MAGI2: variants seen among roughly 807,000 people sequenced by gnomAD.
The protein encoded by MAGI2 is membrane associated guanylate kinase, WW and PDZ domain containing 2.
A neutral mutation model predicts 133.3 loss-of-function variants in MAGI2; 35 were observed. That is an observed-to-expected ratio of 0.26 (90% CI 0.20 to 0.35). The LOEUF is 0.35. Ranked by LOEUF, MAGI2 falls within the 10% of genes least tolerant of loss-of-function variation. The pLI is 1.00. For synonymous variants in MAGI2, 729 were observed against 710.6 expected, an observed-to-expected ratio of 1.03 and a Z score of -0.41; for missense variants, 1,636 against 1,863.4, an observed-to-expected ratio of 0.88 and a Z score of 2.25.
At chr7:78,394,654 T>C (rs954614982) in intron 6 of MAGI2, among the ~76,000 whole-genome samples, 1 of 152,198 alleles carries the variant, frequency 6.6e-6, no homozygotes, top group Non-Finnish European at 1.5e-5. Context: ...TTTTTATAAG[T>C]CTTGGTTCAA....
chr7:78,842,317 C>T (rs1183241048), intron 2 of MAGI2, among the ~76,000 whole-genome samples: 1 of 151,948 alleles, frequency 6.6e-6, no homozygotes, highest in East Asian at 1.9e-4. Context: ...GCCAAGTCCA[C>T]TCCTTGAAGA....
intron 6 of MAGI2, among the ~76,000 whole-genome samples, chr7:78,381,876 G>T (rs534429211): frequency 7.6e-4 from 115 of 152,292 alleles, no homozygotes; most frequent in African/African-American, 2.7e-3. Flanking sequence ...TCTAGGAGGA[G>T]AATTTGGCAG....
At chr7:78,522,187 C>T (rs1013671538) in intron 3 of MAGI2, among the ~76,000 whole-genome samples, 5 of 152,214 alleles carry the variant, frequency 3.3e-5, no homozygotes, top group South Asian at 2.1e-4. Flanking sequence ...GCTGACAGTG[C>T]GCCTGCTGCT....
At chr7:78,831,078 T>C (rs1374937895) in intron 2 of MAGI2, among the ~76,000 whole-genome samples, 1 of 151,670 alleles carries the variant, frequency 6.6e-6, no homozygotes, top group Non-Finnish European at 1.5e-5. Context: ...ATCAACATTT[T>C]TTCCCCAAAT....
intron 1 of MAGI2, among the ~76,000 whole-genome samples, chr7:79,169,758 C>T (rs1052136591): frequency 6.6e-6 from 1 of 152,016 alleles, no homozygotes; most frequent in Non-Finnish European, 1.5e-5. Flanking sequence ...AAGATTAAAA[C>T]TCATGGCCAG....
At chr7:78,154,388 G>A (rs1824181764) in intron 16 of MAGI2, among the ~76,000 whole-genome samples, 1 of 152,192 alleles carries the variant, frequency 6.6e-6, no homozygotes, top group Non-Finnish European at 1.5e-5. Context: ...GGATTGCGAG[G>A]AGCCAGCAGC....
chr7:78,674,078 G>A (rs1160368647), intron 2 of MAGI2, among the ~76,000 whole-genome samples: 1 of 152,144 alleles, frequency 6.6e-6, no homozygotes, highest in Non-Finnish European at 1.5e-5. Context: ...ATAGTGCACT[G>A]CTGATGTTGA....
At chr7:78,802,943 G>T (rs1788199508) in intron 2 of MAGI2, among the ~76,000 whole-genome samples, 1 of 146,854 alleles carries the variant, frequency 6.8e-6, no homozygotes. Flanking sequence ...AAAAAAAAGA[G>T]ACCTCTGACA....
At chr7:79,253,950 C>T (rs188828087) in intron 1 of MAGI2, among the ~76,000 whole-genome samples, 39 of 151,398 alleles carry the variant, frequency 2.6e-4, no homozygotes, top group African/African-American at 8.5e-4. Context: ...ATTTATCATT[C>T]CAGATTTTGA....
intron 2 of MAGI2, among the ~76,000 whole-genome samples, chr7:78,820,920 T>C (rs543689852): frequency 6.6e-6 from 1 of 152,014 alleles, no homozygotes; most frequent in Non-Finnish European, 1.5e-5. Flanking sequence ...AATAAATTAA[T>C]ATAATTTGAT....
intron 10 of MAGI2, among the ~76,000 whole-genome samples, chr7:78,208,081 G>C (rs1359186534): frequency 2.0e-5 from 3 of 148,974 alleles, no homozygotes; most frequent in Non-Finnish European, 4.4e-5. Flanking sequence ...TCTTGGCCAG[G>C]CTGGTCTCGA....
At chr7:78,879,107 C>T (rs1185284147) in intron 2 of MAGI2, among the ~76,000 whole-genome samples, 2 of 152,150 alleles carry the variant, frequency 1.3e-5, no homozygotes, top group Non-Finnish European at 2.9e-5. Context: ...AGAAGAACTT[C>T]CCTATCTCCA....
intron 20 of MAGI2, among the ~76,000 whole-genome samples, chr7:78,081,468 A>AC (rs1463144138): frequency 6.6e-6 from 1 of 152,200 alleles, no homozygotes. Context: ...AAGGGCACAG[A>AC]AAGAACAGAC....
intron 1 of MAGI2, among the ~76,000 whole-genome samples, chr7:79,314,956 AT>A (rs1838589597): frequency 6.6e-6 from 1 of 152,156 alleles, no homozygotes; most frequent in African/African-American, 2.4e-5. Context: ...ATCACTGGAA[AT>A]TTAAACAAAG....
At chr7:78,648,288 T>G (rs1300215705) in intron 2 of MAGI2, among the ~76,000 whole-genome samples, 2 of 152,174 alleles carry the variant, frequency 1.3e-5, no homozygotes, top group African/African-American at 4.8e-5. Context: ...CTCATCCTTG[T>G]AACAAGGAAA....
intron 1 of MAGI2, among the ~76,000 whole-genome samples, chr7:79,013,677 G>C (rs1363113098): frequency 6.6e-6 from 1 of 152,040 alleles, no homozygotes; most frequent in Non-Finnish European, 1.5e-5. Flanking sequence ...TCCCTTTTTA[G>C]GTAGAAATTG....
chr7:78,794,433 G>GA (rs1312714657), intron 2 of MAGI2, among the ~76,000 whole-genome samples: 2 of 152,124 alleles, frequency 1.3e-5, no homozygotes, highest in Admixed American at 1.3e-4. Context: ...ATTGTCAATG[G>GA]AAATTTTTGA....
intron 21 of MAGI2, among the ~76,000 whole-genome samples, chr7:78,038,738 G>C (rs575149767): frequency 2.7e-4 from 41 of 152,378 alleles, no homozygotes; most frequent in African/African-American, 9.9e-4. Flanking sequence ...AGGAAAGAAA[G>C]AAGAGCTTCA....
intron 9 of MAGI2, among the ~76,000 whole-genome samples, chr7:78,271,169 T>C (rs1171165637): frequency 6.6e-6 from 1 of 152,186 alleles, no homozygotes; most frequent in Non-Finnish European, 1.5e-5. Flanking sequence ...TGAGAGTTTT[T>C]AGCATGAAGG....
Sources: allele counts gnomAD v4.1 joint callset (sites outside exome capture counted in the v4.1 genomes callset), GRCh38; gene constraint gnomAD v4.1.1; transcripts MANE v1.5; gene names NCBI Gene and HGNC (gene_info 2026-07-23, HGNC 2026-07-21).